The following DCAF1 variants were observed in gnomAD, a reference collection of about 807,000 sequenced individuals.
The protein encoded by DCAF1 is DDB1 and CUL4 associated factor 1.
A neutral mutation model predicts 128.0 loss-of-function variants in DCAF1; 15 were observed. That is an observed-to-expected ratio of 0.12 (90% CI 0.08 to 0.18). The LOEUF is 0.18. DCAF1 is among the 10% of genes least tolerant of loss of function. The probability of loss-of-function intolerance (pLI) is 1.00; values close to 1 mark genes in which losing one functional copy is unlikely to be tolerated. For missense variants in DCAF1, 988 were observed against 1,649.5 expected, an observed-to-expected ratio of 0.60 and a Z score of 6.95; for synonymous variants, 610 against 603.0, an observed-to-expected ratio of 1.01 and a Z score of -0.17.
chr3:51,461,015 T>A (rs1400066834), intron 6 of DCAF1, among the ~76,000 whole-genome samples: 150 of 152,160 alleles, frequency 9.9e-4, no homozygotes, highest in African/African-American at 3.5e-3. Flanking sequence ...GGACTTCATG[T>A]CTAAAACACC....
chr3:51,440,229 T>C (rs782224882), intron 9 of DCAF1: 5 of 472,848 alleles, frequency 1.1e-5, no homozygotes, highest in Non-Finnish European at 2.1e-5. Flanking sequence ...ATTGTTACTA[T>C]TCTGATGCAT....
At chr3:51,442,788 A>C (rs896468632) in intron 7 of DCAF1, among the ~76,000 whole-genome samples, 6 of 152,220 alleles carry the variant, frequency 3.9e-5, no homozygotes, top group African/African-American at 1.4e-4. Context: ...GATAAAAGGA[A>C]GGGCACTTGG....
Position 51,437,361 on chromosome 3 carries a change from A to G in DCAF1, c.1128+3609T>C, listed in dbSNP as rs781960926. The G allele has an allele frequency of 4.4e-5, 17 of 389,582 alleles. No homozygotes were observed. In the East Asian group the frequency reaches 1.1e-3, roughly 26 times the overall value. The allele number at this position is 389,582 out of a possible 1,614,324, so 24.1% of individuals were successfully genotyped here. ...TTCCTGGGTTGCAAAGGGGCTGAAC[A>G]TGGGAGGGCAAGTAAGATAAGCAAG... On this transcript the variant is annotated intron_variant, in intron 9 of 24. Transcript: ENST00000684031.
intron 24 of DCAF1, among the ~76,000 whole-genome samples, chr3:51,402,935 G>A (rs555363608): frequency 6.6e-5 from 10 of 152,308 alleles, no homozygotes; most frequent in African/African-American, 2.2e-4. Context: ...TGAAAGATAA[G>A]AAATGACAGC....
chr3:51,437,624 G>T (rs1320267220), intron 9 of DCAF1, among the ~76,000 whole-genome samples: 1 of 152,104 alleles, frequency 6.6e-6, no homozygotes, highest in African/African-American at 2.4e-5. Flanking sequence ...GAGTAGCTTG[G>T]GCATTATAAT....
chr3:51,456,143 ATTCCCT>A (rs1702879895), intron 6 of DCAF1, among the ~76,000 whole-genome samples: 1 of 152,206 alleles, frequency 6.6e-6, no homozygotes, highest in Non-Finnish European at 1.5e-5. Flanking sequence ...GGGTCAGGGA[ATTCCCT>A]TTCCTAGTCA....
Position 51,420,174 on chromosome 3 carries a change from C to T in DCAF1, c.2796G>A (p.Gln932=). 1 of 1,613,956 alleles carries T rather than the reference C, an allele frequency of 6.2e-7. No individual in the cohort carries two copies. Among genetic ancestry groups the T allele is most frequent in the Non-Finnish European group, 8.5e-7 (1 of 1,179,884 alleles). ...CTAGCGGACCCTGGGGGGGCCGTGG[C>T]TGAGGATGAGCAGTAGGGGCAGAAG... The part of the protein sequence containing the change: ...SAPSAPTAHP[Q]PRPPQGPLAL... The change falls in exon 15 of 25, where the codon CAG becomes CAA. Residue 932 remains glutamine (Q), a synonymous_variant. Transcript: ENST00000684031. This position sits in a 1 kb window ranked among gnomAD's most constrained non-coding sequence, Gnocchi z 6.5.
intron 15 of DCAF1, 109 bp from the exon 16 acceptor site, chr3:51,418,985 T>C: frequency 7.1e-7 from 1 of 1,408,620 alleles, no homozygotes. Context: ...TCAAATGGCT[T>C]CTTCCAAAAT....
chr3:51,441,358 G>C (rs370680821), intron 8 of DCAF1, 27 bp downstream of exon 8: 1 of 1,596,878 alleles, frequency 6.3e-7, no homozygotes, highest in Non-Finnish European at 8.5e-7. Flanking sequence ...TCCTATGTGT[G>C]AACAGTACTC....
chr3:51,501,801 C>T (rs1192170274), upstream of DCAF1, among the ~76,000 whole-genome samples: 1 of 152,198 alleles, frequency 6.6e-6, no homozygotes, highest in Non-Finnish European at 1.5e-5. Context: ...GCTTCTGGAA[C>T]TCTACCTCTG....
At chr3:51,455,699 C>A (rs1040820609) in intron 6 of DCAF1, among the ~76,000 whole-genome samples, 30 of 151,888 alleles carry the variant, frequency 2.0e-4, no homozygotes, top group African/African-American at 6.5e-4. Flanking sequence ...GAGTTCAAGA[C>A]CAGCCTGACC....
chr3:51,437,045 T>C (rs1172907827), intron 9 of DCAF1, among the ~76,000 whole-genome samples: 1 of 151,618 alleles, frequency 6.6e-6, no homozygotes. Flanking sequence ...GGCGGATCCC[T>C]TGAGGTCAGG....
In DCAF1 at chr3:51,481,644, A is replaced by G. The variant is rs952678329; in HGVS notation, c.110+2075T>C. 2.6e-5 allele frequency among the ~76,000 whole-genome samples: 4 copies of G among 152,070 alleles called. No individual in the cohort carries two copies. The South Asian group carries it at 6.2e-4, about 24-fold the overall frequency. On this transcript the variant is annotated intron_variant, in intron 3 of 24. Transcript: ENST00000684031. ...TAGGAGGTGGGGGTTGCAGTGAGCC[A>G]AGATCGCACCACTGCCTGGGGCAGA...
At chr3:51,422,478 G>A (rs1699491606) in intron 13 of DCAF1, 47 bp from the exon 14 acceptor site, 1 of 715,432 alleles carries the variant, frequency 1.4e-6, no homozygotes, top group Non-Finnish European at 2.6e-6. Context: ...ATAGCCACAA[G>A]AATCAAGAGA....
At chr3:51,435,234 T>A (rs1700702796) in intron 9 of DCAF1, among the ~76,000 whole-genome samples, 1 of 152,192 alleles carries the variant, frequency 6.6e-6, no homozygotes, top group Admixed American at 6.5e-5. Context: ...AAATAGCAAC[T>A]GCCCAATCCC....
At chr3:51,469,815 G>A (rs564427011) in intron 4 of DCAF1, among the ~76,000 whole-genome samples, 1 of 152,078 alleles carries the variant, frequency 6.6e-6, no homozygotes, top group East Asian at 2.0e-4. Flanking sequence ...GAGGTCAGGA[G>A]TTCAAGACCA....
chr3:51,398,825 C>T lies in DCAF1; in HGVS notation c.4468G>A (p.Asp1490Asn). The change falls in exon 25 of 25, where the codon GAC (aspartate) becomes AAC (asparagine). Residue 1490 changes from aspartate (D) to asparagine (N), a missense_variant and splice_region_variant. By Grantham distance (23) the Asp-to-Asn change is conservative. Around this residue, in one of 11 missense-constraint regions of DCAF1, gnomAD observed 97 missense variants for 134.5 expected, o/e 0.72. Transcript: ENST00000684031. Reference sequence around the variant, plus strand: ...TCCAAATCAGAGTTGTCAGAGCTGTCAGCTGAAAGGGAAGAAAAGGGAGAG... The same window carrying T: ...TCCAAATCAGAGTTGTCAGAGCTGTTAGCTGAAAGGGAAGAAAAGGGAGAG... ...EEVELILGDT[D>N]SSDNSDLEDD... 6.3e-7 allele frequency: 1 copy of T among 1,583,858 alleles called. No homozygotes were observed. Among genetic ancestry groups the T allele is most frequent in the Non-Finnish European group, 8.6e-7 (1 of 1,164,098 alleles).
At chr3:51,434,426 C>T (rs943348913) in intron 9 of DCAF1, among the ~76,000 whole-genome samples, 107 of 152,236 alleles carry the variant, frequency 7.0e-4, no homozygotes, top group South Asian at 3.5e-3. Flanking sequence ...AATCAGTAAC[C>T]CTACAACCAT....
chr3:51,426,992 C>T (rs146064592), intron 13 of DCAF1, among the ~76,000 whole-genome samples: 17 of 152,114 alleles, frequency 1.1e-4, no homozygotes, highest in African/African-American at 3.6e-4. Context: ...TTTATATGAA[C>T]GTAATATAAA....
Sources: gnomAD v4.1 joint callset for allele counts (sites outside exome capture counted in the v4.1 genomes callset) on GRCh38, gnomAD v4.1.1 for gene constraint, gnomAD v4.1.1 regional missense constraint, Gnocchi (gnomAD v3.1) non-coding constraint, MANE v1.5 for transcripts, NCBI Gene and HGNC (gene_info 2026-07-23, HGNC 2026-07-21) for gene names.